SUCLG2: variants seen among roughly 807,000 people sequenced by gnomAD.
SUCLG2 encodes the protein succinate-CoA ligase GDP-forming subunit beta.
A neutral mutation model predicts 47.9 loss-of-function variants in SUCLG2; 42 were observed. That is an observed-to-expected ratio of 0.88 (90% CI 0.69 to 1.14). The LOEUF is 1.14. SUCLG2 is among the 50% of genes most tolerant of loss of function. The pLI is 0.00. For missense variants in SUCLG2, 571 were observed against 525.9 expected, an observed-to-expected ratio of 1.09 and a Z score of -0.84; for synonymous variants, 195 against 197.3, an observed-to-expected ratio of 0.99 and a Z score of 0.10.
chr3:67,365,817 G>A (rs1701867458), intron 10 of SUCLG2, among the ~76,000 whole-genome samples: 1 of 152,108 alleles, frequency 6.6e-6, no homozygotes, highest in Admixed American at 6.6e-5. Flanking sequence ...AAATGGAGCG[G>A]ACTAGCATAA....
At chr3:67,561,119 C>T (rs1383663197) in intron 2 of SUCLG2, among the ~76,000 whole-genome samples, 7 of 150,572 alleles carry the variant, frequency 4.6e-5, no homozygotes, top group African/African-American at 1.7e-4. Context: ...AAGGTAAGAA[C>T]AACACAATCC....
chr3:67,604,897 G>A (rs746783953), intron 2 of SUCLG2, among the ~76,000 whole-genome samples: 1 of 152,136 alleles, frequency 6.6e-6, no homozygotes, highest in African/African-American at 2.4e-5. Flanking sequence ...GAATAAAGTA[G>A]GAAGGTAAGC....
intron 4 of SUCLG2, among the ~76,000 whole-genome samples, chr3:67,525,072 A>G (rs1706217158): frequency 6.6e-6 from 1 of 152,236 alleles, no homozygotes; most frequent in African/African-American, 2.4e-5. Context: ...TAAGACTGAC[A>G]AAACATATAC....
chr3:67,494,426 C>T (rs1705278311), intron 9 of SUCLG2, among the ~76,000 whole-genome samples: 1 of 151,896 alleles, frequency 6.6e-6, no homozygotes, highest in Non-Finnish European at 1.5e-5. Flanking sequence ...CTTGAGGTCA[C>T]GAGTTTGAGA....
Position 67,362,497 on chromosome 3 carries a change from A to T in SUCLG2, c.1184-1729T>A, listed in dbSNP as rs72916745. ...AGAACTTTTTACTGATGTCTCTGTT[A>T]ATGAATGATAATCTAATTTTTTTGT... On this transcript the variant is annotated intron_variant, in intron 10 of 10. Coordinates refer to the SUCLG2 transcript ENST00000493112. Among the ~76,000 whole-genome samples, 744 of 152,310 alleles carry T rather than the reference A, an allele frequency of 4.9e-3. 19 individuals carry two copies. The highest frequency in any genetic ancestry group is 0.047 in the South Asian group (224 of 4,816).
intron 10 of SUCLG2, among the ~76,000 whole-genome samples, chr3:67,398,176 T>C (rs1702593153): frequency 6.7e-6 from 1 of 150,236 alleles, no homozygotes; most frequent in Non-Finnish European, 1.5e-5. Flanking sequence ...AAATGGGATC[T>C]AATTAAACTA....
At chr3:67,402,985 C>T (rs1287728095) in intron 9 of SUCLG2, among the ~76,000 whole-genome samples, 1 of 152,156 alleles carries the variant, frequency 6.6e-6, no homozygotes, top group Admixed American at 6.6e-5. Context: ...TTCAATTCTA[C>T]TTAGTGGGTG....
At chr3:67,455,827 A>T (rs548403559) in intron 9 of SUCLG2, among the ~76,000 whole-genome samples, 1 of 152,288 alleles carries the variant, frequency 6.6e-6, no homozygotes, top group South Asian at 2.1e-4. Flanking sequence ...CAGTGTTTCA[A>T]TCCCGGCAAG....
chr3:67,605,863 C>G (rs1700404044), intron 2 of SUCLG2, among the ~76,000 whole-genome samples: 1 of 151,946 alleles, frequency 6.6e-6, no homozygotes, highest in Admixed American at 6.6e-5. Context: ...CTCCCTTGTC[C>G]CAGCCCAACA....
intron 10 of SUCLG2, among the ~76,000 whole-genome samples, chr3:67,397,242 T>A (rs1702552590): frequency 6.6e-6 from 1 of 152,222 alleles, no homozygotes; most frequent in Non-Finnish European, 1.5e-5. Flanking sequence ...TGTCCTTGTT[T>A]GCAGATGACA....
chr3:67,443,892 C>CG (rs1703842653), intron 9 of SUCLG2, among the ~76,000 whole-genome samples: 2 of 78,692 alleles, frequency 2.5e-5, no homozygotes, highest in African/African-American at 8.4e-5. Flanking sequence ...CCTCTCCACC[C>CG]GGCAGCCACC....
At chr3:67,384,769 T>C (rs1702226321) in intron 10 of SUCLG2, among the ~76,000 whole-genome samples, 1 of 151,974 alleles carries the variant, frequency 6.6e-6, no homozygotes, top group South Asian at 2.1e-4. Flanking sequence ...CCTTCCCACA[T>C]GTGTGGCTGG....
rs369293324 is a variant in SUCLG2, at chr3:67,498,177, A to C, written c.876T>G (p.Tyr292Ter). 6.2e-7 allele frequency: 1 copy of C among 1,613,484 alleles called. No individual in the cohort carries two copies. The highest frequency in any genetic ancestry group is 8.5e-7 in the Non-Finnish European group (1 of 1,179,796). Reference sequence around the variant, plus strand: ...CATCTAGTCCTATGTATTTTAGATCATATTTGGCAGCTTCATTTTCAATGG... The same window carrying C: ...CATCTAGTCCTATGTATTTTAGATCCTATTTGGCAGCTTCATTTTCAATGG... ...NEPIENEAAK[Y>*]DLKYIGLDGN... The change falls in exon 8 of 11, where the codon TAT becomes TAG. Residue 292 changes from tyrosine to a stop codon, truncating the protein, a stop_gained. Transcript: ENST00000307227. LOFTEE classifies it high-confidence loss of function.
chr3:67,448,310 G>GT lies in SUCLG2; in HGVS notation c.1063-47460dup, dbSNP rs201340621. The stretch of plus-strand genomic sequence containing the variant: ...AATCTAAGACCTATTAGGTAAAAAT[G>GT]TAAGTCACAGAATACATATATGATG... On this transcript the variant is annotated intron_variant, in intron 9 of 10. Coordinates refer to ENST00000307227, the MANE Select transcript of SUCLG2 (RefSeq NM_003848.4). Among the ~76,000 whole-genome samples the GT allele has an allele frequency of 3.6e-3, 543 of 152,274 alleles. 1 individual carries two copies. The highest frequency in any genetic ancestry group is 0.02 in the Middle Eastern group (6 of 294).
At chr3:67,621,621 T>G (rs1250093749) in intron 1 of SUCLG2, among the ~76,000 whole-genome samples, 1 of 152,044 alleles carries the variant, frequency 6.6e-6, no homozygotes, top group Non-Finnish European at 1.5e-5. Context: ...ATGAATGGAT[T>G]AATGGGTTAA....
At chr3:67,398,101 T>C (rs967508348) in intron 10 of SUCLG2, among the ~76,000 whole-genome samples, 7 of 150,192 alleles carry the variant, frequency 4.7e-5, no homozygotes, top group Admixed American at 1.3e-4. Context: ...ATTCAGGACA[T>C]AGGCATGGAC....
intron 9 of SUCLG2, among the ~76,000 whole-genome samples, chr3:67,415,053 G>A (rs1345357540): frequency 6.6e-6 from 1 of 152,040 alleles, no homozygotes; most frequent in Non-Finnish European, 1.5e-5. Flanking sequence ...ATGGAGCCTC[G>A]CTATGTTGCC....
intron 2 of SUCLG2, among the ~76,000 whole-genome samples, chr3:67,608,520 T>C (rs948897802): frequency 1.3e-5 from 2 of 152,218 alleles, no homozygotes; most frequent in East Asian, 1.9e-4. Flanking sequence ...ATCCACTCCC[T>C]GCACACATTA....
chr3:67,368,416 T>G (rs186642486), intron 10 of SUCLG2, among the ~76,000 whole-genome samples: 1 of 152,258 alleles, frequency 6.6e-6, no homozygotes, highest in African/African-American at 2.4e-5. Context: ...AAAATCACTT[T>G]CATTTTTAGT....
Sources: gnomAD v4.1 joint callset for allele counts (sites outside exome capture counted in the v4.1 genomes callset) on GRCh38, gnomAD v4.1.1 for gene constraint, MANE v1.5 for transcripts, NCBI Gene and HGNC (gene_info 2026-07-23, HGNC 2026-07-21) for gene names.